PGBD2: variants seen among roughly 807,000 people sequenced by gnomAD.
PGBD2 encodes piggyBac transposable element derived 2, also known as piggyBac transposable element-derived protein 2.
In PGBD2, 6 loss-of-function variants were observed where a neutral mutation model predicts 8.1. That is an observed-to-expected ratio of 0.74 (90% CI 0.40 to 1.46). PGBD2 has a LOEUF of 1.46. PGBD2 is among the 40% of genes most tolerant of loss of function. PGBD2 has a pLI of 0.02. For synonymous variants in PGBD2, 318 were observed against 272.2 expected (o/e 1.17, Z -1.66); for missense variants, 802 against 739.0 (o/e 1.09, Z -0.99).
the PGBD2 span, among the ~76,000 whole-genome samples, chr1:248,878,983 G>A: frequency 5.4e-3 from 818 of 152,272 alleles, 8 homozygotes; most frequent in African/African-American, 0.018. Context: ...ATGCTTTAGT[G>A]TATCCATATT....
At chr1:248,903,805 A>T (rs1254675758), upstream of PGBD2, among the ~76,000 whole-genome samples, 1 of 152,180 alleles carries the variant, frequency 6.6e-6, no homozygotes, top group Non-Finnish European at 1.5e-5. Flanking sequence ...CATGTATGTG[A>T]CATTCTTAAT....
the PGBD2 span, among the ~76,000 whole-genome samples, chr1:248,882,796 T>C: frequency 6.6e-6 from 1 of 152,238 alleles, no homozygotes; most frequent in African/African-American, 2.4e-5. Flanking sequence ...CATCATGCAC[T>C]GTTGGCTCGT....
chr1:248,873,848 T>C, the PGBD2 span, among the ~76,000 whole-genome samples: 8 of 152,198 alleles, frequency 5.3e-5, no homozygotes, highest in African/African-American at 9.7e-5. Flanking sequence ...GCGCTCTGCT[T>C]CCGAGTGTCA....
intron 1 of PGBD2, among the ~76,000 whole-genome samples, chr1:248,908,368 C>G (rs7527472): frequency 6.6e-6 from 1 of 152,102 alleles, no homozygotes; most frequent in Admixed American, 6.5e-5. Context: ...CCACCCTCTG[C>G]TCTTCCTCCC....
chr1:248,898,406 G>A, the PGBD2 span, among the ~76,000 whole-genome samples: 7 of 152,274 alleles, frequency 4.6e-5, no homozygotes, highest in East Asian at 1.9e-4. Context: ...CGCCCACCTC[G>A]GCCTCCCAAA....
chr1:248,895,903 G>C, the PGBD2 span, among the ~76,000 whole-genome samples: 4 of 151,734 alleles, frequency 2.6e-5, no homozygotes, highest in Admixed American at 6.6e-5. Context: ...GGCCAGGATG[G>C]TCTTGATCGC....
the PGBD2 span, among the ~76,000 whole-genome samples, chr1:248,926,526 C>G: frequency 3.3e-5 from 5 of 152,118 alleles, no homozygotes; most frequent in South Asian, 8.3e-4. Flanking sequence ...ACTTTGAAAG[C>G]TTCTTTTGGT....
chr1:248,880,582 T>G, the PGBD2 span, among the ~76,000 whole-genome samples: 2 of 152,236 alleles, frequency 1.3e-5, no homozygotes, highest in African/African-American at 4.8e-5. Flanking sequence ...GATTGAAATG[T>G]GCTAATGTAG....
chr1:248,878,974 T>C, the PGBD2 span, among the ~76,000 whole-genome samples: 1 of 152,226 alleles, frequency 6.6e-6, no homozygotes, highest in Non-Finnish European at 1.5e-5. Context: ...TGTGTATCTA[T>C]GCTTTAGTGT....
At chr1:248,878,831 G>A in the PGBD2 span, among the ~76,000 whole-genome samples, 1 of 152,164 alleles carries the variant, frequency 6.6e-6, no homozygotes, top group Admixed American at 6.5e-5. Flanking sequence ...TGGCAAATGG[G>A]TGGCTCGCCG....
the PGBD2 span, among the ~76,000 whole-genome samples, chr1:248,886,600 C>A: frequency 2.0e-5 from 3 of 152,182 alleles, no homozygotes; most frequent in Admixed American, 2.0e-4. Context: ...TGGAGAATTG[C>A]ATTTTTGGAG....
chr1:248,874,220 G>A, the PGBD2 span, among the ~76,000 whole-genome samples: 1 of 152,156 alleles, frequency 6.6e-6, no homozygotes, highest in Admixed American at 6.5e-5. Context: ...ATTTAGTATA[G>A]CATATTGCTA....
chr1:248,929,578 T>C, the PGBD2 span, among the ~76,000 whole-genome samples: 4 of 152,180 alleles, frequency 2.6e-5, no homozygotes, highest in Admixed American at 6.5e-5. Context: ...GGCAATGTTG[T>C]AGAACATCGT....
chr1:248,924,241 T>C (rs1237426165), downstream of PGBD2, among the ~76,000 whole-genome samples: 4 of 152,208 alleles, frequency 2.6e-5, no homozygotes, highest in African/African-American at 4.8e-5. Flanking sequence ...TTCTTTCTTA[T>C]GCGCTTTTTT....
the PGBD2 span, among the ~76,000 whole-genome samples, chr1:248,881,745 C>G: frequency 6.6e-6 from 1 of 152,188 alleles, no homozygotes; most frequent in Non-Finnish European, 1.5e-5. Flanking sequence ...GTAATAATAT[C>G]TTCCTTGAGG....
chr1:248,895,040 AG>A, the PGBD2 span, among the ~76,000 whole-genome samples: 1 of 152,092 alleles, frequency 6.6e-6, no homozygotes, highest in Non-Finnish European at 1.5e-5. Context: ...TCTAGTCTCA[AG>A]CTATCCTCCC....
At chr1:248,904,164 A>T (rs1661580079), upstream of PGBD2, among the ~76,000 whole-genome samples, 1 of 152,124 alleles carries the variant, frequency 6.6e-6, no homozygotes, top group Admixed American at 6.5e-5. Flanking sequence ...CTCATAATAC[A>T]CATAATTTAA....
At position 248,908,684 on chromosome 1, in the gene PGBD2, A is replaced by T. The variant is rs1572271876; in HGVS notation, c.-48+2342A>T. Among the ~76,000 whole-genome samples, 11 of 146,206 alleles carry T rather than the reference A, an allele frequency of 7.5e-5. No homozygotes were observed. In the South Asian group the frequency reaches 2.4e-3, roughly 32 times the overall value. ...CTTCCTTCTGTTATGCTCTTCCTGT[A>T]TTTTTTTTTTTTTTAAACTTCCCAT... On this transcript the variant is annotated intron_variant, in intron 1 of 2. Transcript: ENST00000329291.
At chr1:248,929,397 C>A in the PGBD2 span, among the ~76,000 whole-genome samples, 2 of 152,174 alleles carry the variant, frequency 1.3e-5, no homozygotes, top group Non-Finnish European at 2.9e-5. Flanking sequence ...CCAAGGCTGT[C>A]ATCTCAGGCC....
Sources: gnomAD v4.1 joint callset for allele counts (sites outside exome capture counted in the v4.1 genomes callset) on GRCh38, gnomAD v4.1.1 for gene constraint, MANE v1.5 for transcripts, NCBI Gene and HGNC (gene_info 2026-07-23, HGNC 2026-07-21) for gene names.